Variants in ADAP2 observed in about 807,000 individuals in gnomAD.
The protein encoded by ADAP2 is arf-GAP with dual PH domain-containing protein 2.
ADAP2 carries 42 observed loss-of-function variants against 54.9 expected under a neutral mutation model. That is an observed-to-expected ratio of 0.77 (90% CI 0.60 to 0.99). ADAP2 has a LOEUF of 0.99. Among genes scored for constraint, ADAP2 ranks in the 50% least tolerant of loss-of-function variants. ADAP2 has a pLI of 0.00. For synonymous variants in ADAP2, 177 were observed against 180.1 expected, an observed-to-expected ratio of 0.98 and a Z score of 0.14; for missense variants, 429 against 480.4, an observed-to-expected ratio of 0.89 and a Z score of 1.00.
Position 30,944,926 on chromosome 17 carries a change from T to C in ADAP2, c.530T>C (p.Val177Ala). ...TTTCAGGGTAAAAGCCCCAAAGCTG[T>C]CATCAGCATTAAGGACTTGAATGCC... ...TKEQGKSPKA[V>A]ISIKDLNATF... The change falls in exon 6 of 11, where the codon GTC (valine) becomes GCC (alanine). Residue 177 changes from valine (V) to alanine (A), a missense_variant. Coordinates refer to ENST00000330889, the MANE Select transcript of ADAP2 (RefSeq NM_018404.3). The C allele has an allele frequency of 6.2e-7, 1 of 1,614,072 alleles. No individual in the cohort carries two copies. Among genetic ancestry groups the C allele is most frequent in the Non-Finnish European group, 8.5e-7 (1 of 1,180,002 alleles).
chr17:30,926,059 C>T (rs1911036964), intron 2 of ADAP2, among the ~76,000 whole-genome samples: 1 of 152,042 alleles, frequency 6.6e-6, no homozygotes, highest in Non-Finnish European at 1.5e-5. Context: ...GGGTGAGATT[C>T]CAAGGGTCAC....
intron 2 of ADAP2, among the ~76,000 whole-genome samples, chr17:30,924,136 G>A (rs1324164776): frequency 6.6e-6 from 1 of 152,164 alleles, no homozygotes; most frequent in Non-Finnish European, 1.5e-5. Flanking sequence ...ACTTTGGGGG[G>A]CTGAGGCTGG....
Position 30,959,233 on chromosome 17 carries a change from T to C in ADAP2, c.*1364T>C, listed in dbSNP as rs1905283971. 2.0e-5 allele frequency: 3 copies of C among 152,138 alleles called. No homozygotes were observed. The highest frequency in any genetic ancestry group is 4.4e-5 in the Non-Finnish European group (3 of 68,020). 9.4% of individuals were successfully genotyped at this position (152,138 alleles called of 1,614,324 possible). A position where few individuals can be genotyped will look rare whatever the true frequency, so the allele number is the denominator to read the frequency against. On this transcript the variant is annotated 3_prime_UTR_variant, in exon 11 of 11. Coordinates refer to ENST00000330889, the MANE Select transcript of ADAP2 (RefSeq NM_018404.3). Reference sequence around the variant, plus strand: ...AGAGGAGAAGAACGAGAAGTATAGATAGGCAGTAACAAAGCTACTTGAAGA... The same window carrying C: ...AGAGGAGAAGAACGAGAAGTATAGACAGGCAGTAACAAAGCTACTTGAAGA...
chr17:30,934,285 C>T lies in ADAP2; in HGVS notation c.498C>T (p.Phe166=). 6.2e-7 allele frequency: 1 copy of T among 1,612,690 alleles called. No individual in the cohort carries two copies. The highest frequency in any genetic ancestry group is 1.3e-5 in the African/African-American group (1 of 75,036). Residue 166 remains phenylalanine, a synonymous_variant, in exon 5 of 11, where the codon TTC becomes TTT. Coordinates refer to ENST00000330889, the MANE Select transcript of ADAP2 (RefSeq NM_018404.3). ...LLAREGLLKY[F]TKEQGKSPKA... ...CAAGAGAAGGCCTCCTGAAGTACTT[C>T]ACAAAGGAACAGGTAAGATGCCAGA...
rs543244349 is a variant in ADAP2 at position 30,922,215 on chromosome 17, A to C, written c.94+107A>C. On this transcript the variant is annotated intron_variant, in intron 1 of 10. Coordinates refer to ENST00000330889, the MANE Select transcript of ADAP2 (RefSeq NM_018404.3). ...GTCCCGCCCTCGGCCCCCTGGACCCAGACGTGGCACCTGCGGGCCCCGACC... is the reference window on the plus strand; with the variant it reads ...GTCCCGCCCTCGGCCCCCTGGACCCCGACGTGGCACCTGCGGGCCCCGACC... 1.4e-3 allele frequency: 1,095 copies of C among 774,230 alleles called. 11 individuals are homozygous for C. The African/African-American group carries it at 0.022, about 15-fold the overall frequency. The allele number at this position is 774,230 out of a possible 1,614,324, so 48.0% of individuals were successfully genotyped here.
Position 30,957,874 on chromosome 17 carries a change from T to C in ADAP2, c.*5T>C, listed in dbSNP as rs1321644868. The C allele has an allele frequency of 1.2e-6, 2 of 1,612,792 alleles. No homozygotes were observed. Among genetic ancestry groups the C allele is most frequent in the Admixed American group, 1.7e-5 (1 of 59,884 alleles). On this transcript the variant is annotated 3_prime_UTR_variant, in exon 11 of 11. Coordinates refer to ENST00000330889, the MANE Select transcript of ADAP2 (RefSeq NM_018404.3). ...AGTGGCCGCAGCAGCAGGTGACCCATTAACTGAGGAACTGGCTGCCACTGA... is the reference window on the plus strand; with the variant it reads ...AGTGGCCGCAGCAGCAGGTGACCCACTAACTGAGGAACTGGCTGCCACTGA...
At chr17:30,935,699 G>A (rs539841240) in intron 5 of ADAP2, among the ~76,000 whole-genome samples, 25 of 152,346 alleles carry the variant, frequency 1.6e-4, no homozygotes, top group Non-Finnish European at 2.8e-4. Flanking sequence ...GCAGTTACCA[G>A]TCAGCTAGGA....
intron 7 of ADAP2, among the ~76,000 whole-genome samples, chr17:30,951,279 G>A (rs1904609372): frequency 6.6e-6 from 1 of 152,118 alleles, no homozygotes; most frequent in Non-Finnish European, 1.5e-5. Context: ...AGCGAGCCAA[G>A]GCATCAGAAG....
chr17:30,951,654 C>CTTTTTTTTTTT (rs1053982493), intron 7 of ADAP2, among the ~76,000 whole-genome samples: 3 of 121,032 alleles, frequency 2.5e-5, no homozygotes, highest in East Asian at 2.3e-4. Flanking sequence ...CTTTTCTTTT[C>CTTTTTTTTTTT]TTTTTTTTTT....
chr17:30,942,729 TAAA>T (rs1269418019), intron 5 of ADAP2, among the ~76,000 whole-genome samples: 1 of 152,014 alleles, frequency 6.6e-6, no homozygotes, highest in Non-Finnish European at 1.5e-5. Flanking sequence ...AGAACCTCAT[TAAA>T]ATGGGCAAAA....
At chr17:30,942,149 C>G (rs1489506072) in intron 5 of ADAP2, among the ~76,000 whole-genome samples, 1 of 152,148 alleles carries the variant, frequency 6.6e-6, no homozygotes, top group Non-Finnish European at 1.5e-5. Flanking sequence ...CGTGATCCAC[C>G]TGCCTCGGCC....
chr17:30,935,474 T>A (rs1311317748), intron 5 of ADAP2, among the ~76,000 whole-genome samples: 1 of 152,180 alleles, frequency 6.6e-6, no homozygotes, highest in Non-Finnish European at 1.5e-5. Context: ...AAGGCCTCTC[T>A]GGTGACATTT....
chr17:30,941,158 G>A (rs143247641), intron 5 of ADAP2, among the ~76,000 whole-genome samples: 175 of 152,292 alleles, frequency 1.1e-3, no homozygotes, highest in African/African-American at 3.8e-3. Context: ...CCATTGAGTG[G>A]AAAGTTTGCC....
At chr17:30,934,967 T>A (rs1019274094) in intron 5 of ADAP2, among the ~76,000 whole-genome samples, 76 of 151,944 alleles carry the variant, frequency 5.0e-4, no homozygotes, top group African/African-American at 1.7e-3. Flanking sequence ...GTGGGAGAAC[T>A]GCTTGAGCAT....
chr17:30,958,013 T>A lies in ADAP2; in HGVS notation c.*144T>A. On this transcript the variant is annotated 3_prime_UTR_variant, in exon 11 of 11. Coordinates refer to ENST00000330889, the MANE Select transcript of ADAP2 (RefSeq NM_018404.3). ...GTGAACTCTGCCAGGACTGAAGCTG[T>A]GGCTTTATCCATCAGCTCCCTGGGC... 1.2e-6 allele frequency: 1 copy of A among 803,934 alleles called. No homozygotes were observed. 49.8% of individuals were successfully genotyped at this position (803,934 alleles called of 1,614,324 possible).
At chr17:30,948,956 G>A (rs1323858065) in intron 6 of ADAP2, among the ~76,000 whole-genome samples, 1 of 152,192 alleles carries the variant, frequency 6.6e-6, no homozygotes, top group Non-Finnish European at 1.5e-5. Flanking sequence ...ATATGCCTCT[G>A]CATTTTAACA....
intron 5 of ADAP2, among the ~76,000 whole-genome samples, chr17:30,936,939 A>T (rs1050584712): frequency 6.6e-6 from 1 of 152,018 alleles, no homozygotes; most frequent in African/African-American, 2.4e-5. Context: ...TGATTGATTG[A>T]TTGATTTGAG....
chr17:30,957,545 A>T (rs1905162725), intron 10 of ADAP2, among the ~76,000 whole-genome samples: 1 of 151,914 alleles, frequency 6.6e-6, no homozygotes, highest in Admixed American at 6.6e-5. Context: ...CTCTCACCTC[A>T]GCCTCCCAAG....
intron 3 of ADAP2, among the ~76,000 whole-genome samples, chr17:30,930,361 T>TG (rs1911385233): frequency 6.6e-6 from 1 of 152,076 alleles, no homozygotes; most frequent in Non-Finnish European, 1.5e-5. Flanking sequence ...TGTGAGCCAC[T>TG]GCGCCTGGCC....
Sources: allele counts gnomAD v4.1 joint callset (sites outside exome capture counted in the v4.1 genomes callset), GRCh38; gene constraint gnomAD v4.1.1; transcripts MANE v1.5; gene names NCBI Gene and HGNC (gene_info 2026-07-23, HGNC 2026-07-21).